The following DCUN1D4 variants were observed in gnomAD, a reference collection of about 807,000 sequenced individuals.
The protein encoded by DCUN1D4 is DCN1-like protein 4.
In DCUN1D4, 22 loss-of-function variants were observed where a neutral mutation model predicts 47.9. The ratio of observed to expected loss-of-function variants is 0.46; its 90% CI spans 0.33 to 0.66. DCUN1D4 has a LOEUF of 0.66. Ranked by LOEUF, DCUN1D4 falls within the 30% of genes least tolerant of loss-of-function variation. The pLI, the probability that DCUN1D4 is intolerant of heterozygous loss-of-function variation, is 0.02. For missense variants in DCUN1D4, 301 were observed against 340.8 expected, an observed-to-expected ratio of 0.88 and a Z score of 0.92; for synonymous variants, 121 against 112.2, an observed-to-expected ratio of 1.08 and a Z score of -0.50.
chr4:51,897,356 T>G (rs1038749966), intron 7 of DCUN1D4, among the ~76,000 whole-genome samples: 1 of 152,224 alleles, frequency 6.6e-6, no homozygotes, highest in East Asian at 1.9e-4. Flanking sequence ...AGGCTTGTTT[T>G]TAAAAATAGA....
chr4:51,867,390 C>G (rs1726130347), intron 3 of DCUN1D4, among the ~76,000 whole-genome samples: 1 of 152,220 alleles, frequency 6.6e-6, no homozygotes, highest in Non-Finnish European at 1.5e-5. Context: ...TGTGTTACAG[C>G]TCTTTTAGTC....
the DCUN1D4 span, among the ~76,000 whole-genome samples, chr4:51,836,249 C>T: frequency 6.6e-6 from 1 of 152,134 alleles, no homozygotes; most frequent in Admixed American, 6.5e-5. Context: ...CTTTGATAAT[C>T]ATCACTGTGA....
At position 51,913,629 on chromosome 4, in the gene DCUN1D4, G is replaced by T; in HGVS notation, c.*45G>T. On this transcript the variant is annotated 3_prime_UTR_variant, in exon 11 of 11. Coordinates refer to ENST00000334635, the MANE Select transcript of DCUN1D4 (RefSeq NM_001040402.3). ...AGAGAGTCACTGTTACCACAGTTTT[G>T]TCACCCATTAGCCATAAATTGCTGT... 1 of 1,570,142 alleles carries T rather than the reference G, an allele frequency of 6.4e-7. No individual in the cohort carries two copies. The highest frequency in any genetic ancestry group is 8.7e-7 in the Non-Finnish European group (1 of 1,143,322).
intron 8 of DCUN1D4, among the ~76,000 whole-genome samples, chr4:51,905,787 G>A (rs1732794781): frequency 6.6e-6 from 1 of 152,158 alleles, no homozygotes; most frequent in Admixed American, 6.5e-5. Context: ...AGGGCCAGGT[G>A]AGAGCAGAGA....
intron 6 of DCUN1D4, among the ~76,000 whole-genome samples, chr4:51,889,088 A>G (rs1194362967): frequency 6.6e-6 from 1 of 152,202 alleles, no homozygotes; most frequent in Non-Finnish European, 1.5e-5. Context: ...CATCCTGGGC[A>G]ACAGAGTGAG....
chr4:51,841,399 A>C (rs1721643831), upstream of DCUN1D4, among the ~76,000 whole-genome samples: 1 of 152,338 alleles, frequency 6.6e-6, no homozygotes, highest in African/African-American at 2.4e-5. Flanking sequence ...GGATATTCTT[A>C]CTGCTAGATC....
Position 51,874,346 on chromosome 4 carries a change from C to G in DCUN1D4, c.212C>G (p.Ser71Cys). Residue 71 changes from serine to cysteine, a missense_variant, in exon 4 of 11, where the codon TCT becomes TGT. Physicochemically the swap from Ser to Cys is moderately radical, Grantham distance 112. Around this residue, in one of 2 missense-constraint regions of DCUN1D4, gnomAD observed 131 missense variants for 106.3 expected, o/e 1.23. Coordinates refer to ENST00000334635, the MANE Select transcript of DCUN1D4 (RefSeq NM_001040402.3). The part of the protein sequence containing the change: ...MPPRKKRRPA[S>C]GDDLSAKKSR... The stretch of plus-strand genomic sequence containing the variant: ...CCAAGGAAAAAGAGAAGACCTGCCT[C>G]TGGAGATGATTTATCTGCCAAGAAA... The G allele has an allele frequency of 1.2e-6, 2 of 1,613,818 alleles. No homozygotes were observed. Among genetic ancestry groups the G allele is most frequent in the Non-Finnish European group, 1.7e-6 (2 of 1,179,886 alleles).
upstream of DCUN1D4, among the ~76,000 whole-genome samples, chr4:51,842,629 C>A (rs574192303): frequency 3.6e-4 from 55 of 152,342 alleles, no homozygotes; most frequent in African/African-American, 1.2e-3. Context: ...GGACAAGTGT[C>A]GTGGGACAAG....
intron 1 of DCUN1D4, chr4:51,844,971 T>G: frequency 4.1e-6 from 4 of 985,376 alleles, no homozygotes; most frequent in Non-Finnish European, 4.8e-6. Context: ...TCCCCAGCCC[T>G]TCTCCCTTGG....
Position 51,857,671 on chromosome 4 carries a change from GC to G in DCUN1D4, c.26-5764del, listed in dbSNP as rs796647623. Among the ~76,000 whole-genome samples the G allele has an allele frequency of 1.9e-4, 29 of 152,318 alleles. 3 individuals carry two copies. The highest frequency in any genetic ancestry group is 6.7e-4 in the African/African-American group (28 of 41,584). ...TCATTACGTTTGCATGGTCTCTGGT[GC>G]CTGTGTTTGAGGTACAGATCCTTAG... On this transcript the variant is annotated intron_variant, in intron 1 of 10. Coordinates refer to ENST00000334635, the MANE Select transcript of DCUN1D4 (RefSeq NM_001040402.3).
chr4:51,870,424 G>C (rs1726705868), intron 3 of DCUN1D4, among the ~76,000 whole-genome samples: 2 of 151,330 alleles, frequency 1.3e-5, no homozygotes, highest in South Asian at 4.2e-4. Context: ...TTAACTGTTT[G>C]TTTTAGTGAC....
chr4:51,838,171 C>G (rs984092996), upstream of DCUN1D4, among the ~76,000 whole-genome samples: 1 of 152,000 alleles, frequency 6.6e-6, no homozygotes, highest in African/African-American at 2.4e-5. Flanking sequence ...ATATCGAAGT[C>G]GAGAATTTAT....
At chr4:51,870,891 C>G (rs76255204) in intron 3 of DCUN1D4, among the ~76,000 whole-genome samples, 1 of 150,874 alleles carries the variant, frequency 6.6e-6, no homozygotes, top group Non-Finnish European at 1.5e-5. Flanking sequence ...TTTTTTGTAG[C>G]CTGAATGGGT....
chr4:51,878,062 C>G (rs1270298752), intron 5 of DCUN1D4: 1 of 320,254 alleles, frequency 3.1e-6, no homozygotes, highest in African/African-American at 2.1e-5. Context: ...ATTCAGAACA[C>G]TAGAAGGGAA....
chr4:51,857,784 C>T (rs1300051959), intron 1 of DCUN1D4, among the ~76,000 whole-genome samples: 1 of 152,212 alleles, frequency 6.6e-6, no homozygotes, highest in Non-Finnish European at 1.5e-5. Context: ...CTTACCATGA[C>T]ACTTCTCACA....
the DCUN1D4 span, among the ~76,000 whole-genome samples, chr4:51,836,788 C>T: frequency 6.6e-6 from 1 of 152,210 alleles, no homozygotes; most frequent in African/African-American, 2.4e-5. Context: ...TGTCTGCCTT[C>T]CCCATCCACT....
chr4:51,855,160 G>A (rs1294069016), intron 1 of DCUN1D4, among the ~76,000 whole-genome samples: 1 of 152,154 alleles, frequency 6.6e-6, no homozygotes, highest in Non-Finnish European at 1.5e-5. Flanking sequence ...ACCTCCTGTT[G>A]TGTGACTCTG....
chr4:51,856,381 T>C (rs1724141641), intron 1 of DCUN1D4, among the ~76,000 whole-genome samples: 1 of 152,220 alleles, frequency 6.6e-6, no homozygotes, highest in Non-Finnish European at 1.5e-5. Flanking sequence ...AAGTTAACAC[T>C]GGTGTTAAAT....
At chr4:51,862,648 T>C (rs944275055) in intron 1 of DCUN1D4, among the ~76,000 whole-genome samples, 34 of 152,300 alleles carry the variant, frequency 2.2e-4, no homozygotes, top group African/African-American at 7.5e-4. Context: ...GTGGTACTTA[T>C]ATATGAAATT....
Sources: allele counts gnomAD v4.1 joint callset (sites outside exome capture counted in the v4.1 genomes callset), GRCh38; gene constraint gnomAD v4.1.1; regional missense constraint gnomAD v4.1.1; transcripts MANE v1.5; gene names NCBI Gene and HGNC (gene_info 2026-07-23, HGNC 2026-07-21).